COG5: variants seen among roughly 807,000 people sequenced by gnomAD.
COG5 encodes the protein conserved oligomeric Golgi complex subunit 5.
In COG5, 86 loss-of-function variants were observed where a neutral mutation model predicts 110.4. The ratio of observed to expected loss-of-function variants is 0.78; its 90% CI spans 0.65 to 0.93. The LOEUF is 0.93. Ranked by LOEUF, COG5 falls within the 40% of genes least tolerant of loss-of-function variation. The probability of loss-of-function intolerance (pLI) is 0.00; values close to 1 mark genes in which losing one functional copy is unlikely to be tolerated. For missense variants in COG5, 1,077 were observed against 987.0 expected, an observed-to-expected ratio of 1.09 and a Z score of -1.22; for synonymous variants, 360 against 334.6, an observed-to-expected ratio of 1.08 and a Z score of -0.83.
intron 10 of COG5, among the ~76,000 whole-genome samples, chr7:107,346,075 CTAAT>C (rs1422953475): frequency 6.6e-6 from 1 of 152,016 alleles, no homozygotes; most frequent in African/African-American, 2.4e-5. Context: ...CTTATGTAAA[CTAAT>C]TGATGCTGTA....
chr7:107,208,990 C>T, intron 21 of COG5: 1 of 976,566 alleles, frequency 1.0e-6, no homozygotes, highest in Non-Finnish European at 1.2e-6. Context: ...GCAGGCCTAC[C>T]CTGGAGATTC....
chr7:107,220,921 G>A (rs573335969), intron 19 of COG5, among the ~76,000 whole-genome samples: 2 of 150,852 alleles, frequency 1.3e-5, no homozygotes, highest in Non-Finnish European at 2.9e-5. Context: ...AGGTTCAAGC[G>A]ATTCTCCTGC....
intron 5 of COG5, among the ~76,000 whole-genome samples, chr7:107,537,219 A>C (rs1321236864): frequency 6.6e-6 from 1 of 151,864 alleles, no homozygotes; most frequent in Non-Finnish European, 1.5e-5. Flanking sequence ...CAGGGTATAT[A>C]CCCAAAGGAT....
intron 21 of COG5, among the ~76,000 whole-genome samples, chr7:107,204,692 C>T (rs796326016): frequency 3.9e-5 from 6 of 152,276 alleles, no homozygotes; most frequent in African/African-American, 1.4e-4. Context: ...GAAAACATTT[C>T]CCCAGAGTCT....
intron 5 of COG5, among the ~76,000 whole-genome samples, chr7:107,541,174 A>G (rs916673535): frequency 2.7e-5 from 4 of 150,352 alleles, no homozygotes; most frequent in Admixed American, 2.7e-4. Context: ...AAATTTATAA[A>G]CATGTATATG....
chr7:107,357,329 G>C (rs958041255), intron 10 of COG5, among the ~76,000 whole-genome samples: 3 of 152,022 alleles, frequency 2.0e-5, no homozygotes, highest in Admixed American at 6.6e-5. Flanking sequence ...AGAGGGAAAC[G>C]TCATTTTGGA....
At chr7:107,416,774 T>A (rs767519978) in intron 6 of COG5, among the ~76,000 whole-genome samples, 6 of 152,140 alleles carry the variant, frequency 3.9e-5, no homozygotes, top group Admixed American at 3.3e-4. Context: ...CTGTATGAGA[T>A]TAACAGCAGA....
chr7:107,362,021 C>T lies in COG5; in HGVS notation c.1026+12G>A, dbSNP rs1474242413. On this transcript the variant is annotated intron_variant, in intron 10 of 21. Coordinates refer to ENST00000297135, the MANE Select transcript of COG5 (RefSeq NM_006348.5). Reference sequence around the variant, plus strand: ...ACAAGAAAGATGTAAAAATATTTTCCTTTAAACATACCTTAACTATTTCTT... The same window carrying T: ...ACAAGAAAGATGTAAAAATATTTTCTTTTAAACATACCTTAACTATTTCTT... 1.9e-6 allele frequency: 3 copies of T among 1,551,006 alleles called. No individual in the cohort carries two copies. Among genetic ancestry groups the T allele is most frequent in the Admixed American group, 3.4e-5 (2 of 58,148 alleles).
intron 10 of COG5, among the ~76,000 whole-genome samples, chr7:107,357,288 T>C (rs571015056): frequency 3.2e-4 from 49 of 152,318 alleles, no homozygotes; most frequent in African/African-American, 1.2e-3. Flanking sequence ...GTTTTTTTAC[T>C]TTTCTCTTGC....
At chr7:107,509,729 G>C (rs1799349033) in intron 6 of COG5, among the ~76,000 whole-genome samples, 1 of 152,274 alleles carries the variant, frequency 6.6e-6, no homozygotes, top group South Asian at 2.1e-4. Context: ...CCAGAAGAGA[G>C]TGGGGACCAA....
rs754614179 is a variant in COG5 at position 107,248,469 on chromosome 7, G to T, written c.1780C>A (p.Gln594Lys). ...AIHALMENAV[Q>K]PLLTSVGDAI... ...TCTCCCACAGAAGTGAGTAAGGGTT[G>T]CACAGCATTTTCCATAAGAGCATGA... Residue 594 changes from glutamine to lysine, a missense_variant, in exon 17 of 22, where the codon CAA becomes AAA. Gln to Lys is a moderately conservative substitution (Grantham distance 53). Coordinates refer to ENST00000297135, the MANE Select transcript of COG5 (RefSeq NM_006348.5). The T allele has an allele frequency of 1.0e-4, 165 of 1,607,946 alleles. No individual in the cohort carries two copies. Among genetic ancestry groups the T allele is most frequent in the Non-Finnish European group, 1.4e-4 (161 of 1,176,676 alleles).
rs979187673 is a variant in COG5 at position 107,202,480 on chromosome 7, T to G, written c.*1036A>C. On this transcript the variant is annotated 3_prime_UTR_variant, in exon 22 of 22. Transcript: ENST00000297135. ...TTGCCCCTAAATTTTGCACACTATA[T>G]TCTTGTATATTATTTCAAATAAATG... 6.6e-6 allele frequency: 1 copy of G among 152,574 alleles called. No homozygotes were observed. Among genetic ancestry groups the G allele is most frequent in the Non-Finnish European group, 1.5e-5 (1 of 68,028 alleles). 9.5% of individuals were successfully genotyped at this position (152,574 alleles called of 1,614,324 possible).
chr7:107,249,676 T>C (rs1802330344), intron 16 of COG5, among the ~76,000 whole-genome samples: 1 of 148,502 alleles, frequency 6.7e-6, no homozygotes, highest in Admixed American at 6.8e-5. Context: ...AAAATAAATA[T>C]ACAACGTACA....
intron 11 of COG5, among the ~76,000 whole-genome samples, chr7:107,301,049 A>C (rs2116933063): frequency 6.6e-6 from 1 of 152,342 alleles, no homozygotes; most frequent in East Asian, 1.9e-4. Context: ...TTTAGTAGAC[A>C]CAGGGTAGAG....
chr7:107,451,655 C>T (rs1795348653), intron 6 of COG5, among the ~76,000 whole-genome samples: 2 of 152,112 alleles, frequency 1.3e-5, no homozygotes, highest in African/African-American at 2.4e-5. Context: ...ACTCCTCAGC[C>T]GACTCAACAT....
At chr7:107,393,355 A>G (rs1464923296) in intron 7 of COG5, among the ~76,000 whole-genome samples, 1 of 152,168 alleles carries the variant, frequency 6.6e-6, no homozygotes, top group African/African-American at 2.4e-5. Flanking sequence ...CATTCACTGC[A>G]ATACCCCATC....
intron 10 of COG5, among the ~76,000 whole-genome samples, chr7:107,342,442 CT>C (rs912306723): frequency 2.8e-4 from 43 of 150,990 alleles, no homozygotes; most frequent in African/African-American, 1.0e-3. Flanking sequence ...CTTTGGGAGG[CT>C]GAGGCAGGCG....
In COG5 at chr7:107,554,277, A is replaced by G; in HGVS notation, c.292+8T>C. 6.2e-7 allele frequency: 1 copy of G among 1,612,998 alleles called. No homozygotes were observed. The highest frequency in any genetic ancestry group is 1.1e-5 in the South Asian group (1 of 91,042). ...CTACATAATCTCTAGCAGTTATTAG[A>G]AATATACCTTCCAACGACTCAATCC... On this transcript the variant is annotated splice_region_variant and intron_variant, in intron 3 of 21. Transcript: ENST00000297135.
chr7:107,469,874 G>A (rs1796528571), intron 6 of COG5: 2 of 151,820 alleles, frequency 1.3e-5, no homozygotes, highest in Non-Finnish European at 2.9e-5. Context: ...TTCTATTTAA[G>A]AACAACATAC....
Sources: gnomAD v4.1 joint callset for allele counts (sites outside exome capture counted in the v4.1 genomes callset) on GRCh38, gnomAD v4.1.1 for gene constraint, MANE v1.5 for transcripts, NCBI Gene and HGNC (gene_info 2026-07-23, HGNC 2026-07-21) for gene names.